SAMTOR: variants seen among roughly 807,000 people sequenced by gnomAD.
The protein encoded by SAMTOR is S-adenosylmethionine sensor upstream of mTORC1, also known as UPF0532 protein C7orf60.
At chr7:112,924,880 G>C in the SAMTOR span, among the ~76,000 whole-genome samples, 1 of 151,356 alleles carries the variant, frequency 6.6e-6, no homozygotes, top group Non-Finnish European at 1.5e-5. Context: ...AGTTTCATTT[G>C]AAAATGACCT....
At chr7:112,935,068 T>C in the SAMTOR span, 1 of 246,564 alleles carries the variant, frequency 4.1e-6, no homozygotes, top group South Asian at 4.4e-5. Context: ...GGACCTTCTG[T>C]GACAACCTTC....
the SAMTOR span, among the ~76,000 whole-genome samples, chr7:112,914,578 C>A: frequency 6.6e-6 from 1 of 151,490 alleles, no homozygotes; most frequent in South Asian, 2.1e-4. Flanking sequence ...GCTGGAATAC[C>A]CTGAACCGTA....
At chr7:112,828,800 T>C in the SAMTOR span, among the ~76,000 whole-genome samples, 1 of 152,012 alleles carries the variant, frequency 6.6e-6, no homozygotes, top group African/African-American at 2.4e-5. Context: ...CTTGCTAATA[T>C]TGAATTTCAG....
chr7:112,827,934 C>T, the SAMTOR span, among the ~76,000 whole-genome samples: 1 of 152,062 alleles, frequency 6.6e-6, no homozygotes, highest in South Asian at 2.1e-4. Flanking sequence ...AGGCTGGTCT[C>T]AAGCTCCTGG....
At chr7:112,894,009 C>T in the SAMTOR span, among the ~76,000 whole-genome samples, 2 of 152,262 alleles carry the variant, frequency 1.3e-5, no homozygotes, top group Non-Finnish European at 2.9e-5. Context: ...CAGCTTTTGA[C>T]ATGCCTACCT....
the SAMTOR span, chr7:112,895,880 T>C: frequency 2.0e-6 from 1 of 505,310 alleles, no homozygotes; most frequent in Non-Finnish European, 3.3e-6. Context: ...TGAGATAAAT[T>C]TGAGCACCTT....
At chr7:112,920,748 A>G in the SAMTOR span, among the ~76,000 whole-genome samples, 2 of 150,464 alleles carry the variant, frequency 1.3e-5, no homozygotes, top group Non-Finnish European at 2.9e-5. Context: ...CAACTTCCGC[A>G]AAGTCTCAGG....
At chr7:112,825,676 C>G in the SAMTOR span, among the ~76,000 whole-genome samples, 1 of 152,094 alleles carries the variant, frequency 6.6e-6, no homozygotes, top group Non-Finnish European at 1.5e-5. Context: ...ATTGCTTTTT[C>G]TTGCTTTACT....
At chr7:112,856,996 A>C in the SAMTOR span, among the ~76,000 whole-genome samples, 3 of 152,110 alleles carry the variant, frequency 2.0e-5, no homozygotes, top group African/African-American at 7.2e-5. Context: ...AGTTACATAT[A>C]ATCTGAACAC....
At chr7:112,868,572 A>G in the SAMTOR span, among the ~76,000 whole-genome samples, 1 of 152,112 alleles carries the variant, frequency 6.6e-6, no homozygotes, top group Non-Finnish European at 1.5e-5. Flanking sequence ...TGAGGGAAAG[A>G]CACCAGGAAG....
the SAMTOR span, among the ~76,000 whole-genome samples, chr7:112,911,091 T>C: frequency 6.6e-6 from 1 of 152,174 alleles, no homozygotes. Context: ...TAAAGGGAAA[T>C]GGCAGAGCTT....
chr7:112,870,011 G>T, the SAMTOR span, among the ~76,000 whole-genome samples: 3,353 of 152,112 alleles, frequency 0.022, 42 homozygotes, highest in Non-Finnish European at 0.029. Flanking sequence ...ATAAAAATAA[G>T]AAGAAGAAAA....
the SAMTOR span, among the ~76,000 whole-genome samples, chr7:112,833,881 C>T: frequency 6.6e-6 from 1 of 152,152 alleles, no homozygotes; most frequent in South Asian, 2.1e-4. Context: ...CCACTCAGGT[C>T]AAGACATAAT....
At chr7:112,898,156 G>A in the SAMTOR span, among the ~76,000 whole-genome samples, 9 of 152,164 alleles carry the variant, frequency 5.9e-5, no homozygotes, top group African/African-American at 1.7e-4. Flanking sequence ...CTAGTGGGAG[G>A]AATCTTAGTC....
At chr7:112,879,204 T>C in the SAMTOR span, among the ~76,000 whole-genome samples, 11 of 149,014 alleles carry the variant, frequency 7.4e-5, no homozygotes, top group South Asian at 2.2e-3. Context: ...CAACTAGATA[T>C]ATGGAGGTCA....
the SAMTOR span, among the ~76,000 whole-genome samples, chr7:112,840,821 A>G: frequency 6.6e-6 from 1 of 152,046 alleles, no homozygotes; most frequent in African/African-American, 2.4e-5. Flanking sequence ...AATCCATCAC[A>G]TTAACAGAAC....
At chr7:112,898,386 G>A in the SAMTOR span, among the ~76,000 whole-genome samples, 1 of 151,642 alleles carries the variant, frequency 6.6e-6, no homozygotes, top group East Asian at 2.0e-4. Context: ...GCAGTACAGT[G>A]TAGAGACTTC....
chr7:112,892,251 T>C, the SAMTOR span, among the ~76,000 whole-genome samples: 4 of 152,084 alleles, frequency 2.6e-5, no homozygotes, highest in Admixed American at 6.5e-5. Flanking sequence ...CTTCTAATTC[T>C]AGTTTTTCCC....
chr7:112,914,276 G>GTTT, the SAMTOR span, among the ~76,000 whole-genome samples: 6,956 of 130,922 alleles, frequency 0.053, 602 homozygotes, highest in African/African-American at 0.16. Context: ...TTAGCCTCTA[G>GTTT]TTTTTTTTTT....
Sources: gnomAD v4.1 joint callset for allele counts (sites outside exome capture counted in the v4.1 genomes callset) on GRCh38, gnomAD v4.1.1 for gene constraint, MANE v1.5 for transcripts, NCBI Gene and HGNC (gene_info 2026-07-23, HGNC 2026-07-21) for gene names.